Variants in CDON observed in about 807,000 individuals in gnomAD.
The protein encoded by CDON is cell adhesion associated, oncogene regulated.
In CDON, 73 loss-of-function variants were observed where a neutral mutation model predicts 120.9. The observed-to-expected ratio is 0.60, with a 90% confidence interval of 0.50 to 0.73. The LOEUF is 0.73. CDON is among the 30% of genes least tolerant of loss of function. The pLI is 0.00. For missense variants in CDON, 1,470 were observed against 1,587.3 expected (o/e 0.93, Z 1.26); for synonymous variants, 566 against 573.5 (o/e 0.99, Z 0.19).
At chr11:126,059,945 A>G (rs1370827295) in intron 1 of CDON, among the ~76,000 whole-genome samples, 1 of 151,908 alleles carries the variant, frequency 6.6e-6, no homozygotes, top group Non-Finnish European at 1.5e-5. Context: ...AAAAAAAAAA[A>G]CCAAGAAACC....
At chr11:125,992,097 C>T (rs1946645330) in intron 14 of CDON, among the ~76,000 whole-genome samples, 1 of 152,120 alleles carries the variant, frequency 6.6e-6, no homozygotes, top group South Asian at 2.1e-4. Flanking sequence ...ATTTTATTTA[C>T]ATGTCTTGTT....
At chr11:125,984,696 CAAAAAAA>C (rs11306066) in intron 15 of CDON, among the ~76,000 whole-genome samples, 1 of 115,418 alleles carries the variant, frequency 8.7e-6, no homozygotes, top group Non-Finnish European at 1.8e-5. Context: ...GATTCTGTCT[CAAAAAAA>C]AAAAAAAAAA....
chr11:126,050,158 A>G (rs1365299188), intron 1 of CDON, among the ~76,000 whole-genome samples: 1 of 151,690 alleles, frequency 6.6e-6, no homozygotes, highest in East Asian at 1.9e-4. Flanking sequence ...AATGTTTTCC[A>G]TTAGGTCAAT....
At chr11:125,963,848 C>A (rs1404601315) in intron 18 of CDON, among the ~76,000 whole-genome samples, 2 of 152,130 alleles carry the variant, frequency 1.3e-5, no homozygotes, top group Non-Finnish European at 2.9e-5. Context: ...TGTGTTTCCA[C>A]ACATGTCTTC....
chr11:126,019,001 A>C (rs75691635), intron 4 of CDON, among the ~76,000 whole-genome samples: 15,840 of 152,244 alleles, frequency 0.1, 864 homozygotes, highest in Admixed American at 0.13. Flanking sequence ...AACCCAGCAG[A>C]AGCATGTTAA....
rs75029148 is a variant in CDON, at chr11:126,019,569, A to G, written c.496+50T>C. The G allele has an allele frequency of 0.088, 141,233 of 1,600,460 alleles. 6,747 individuals are homozygous for G. Among genetic ancestry groups the G allele is most frequent in the Admixed American group, 0.13 (7,859 of 59,958 alleles). On this transcript the variant is annotated intron_variant, in intron 4 of 19. Transcript: ENST00000531738. ...CACAGAGCTTAGAAGTAGCTTATTT[A>G]ATGAGCATTTGTTCTGTGTGTGCCA...
At chr11:125,978,256 G>A (rs374897215) in intron 18 of CDON, 48 bp downstream of exon 18, 11 of 956,320 alleles carry the variant, frequency 1.2e-5, no homozygotes, top group Non-Finnish European at 6.7e-6. Flanking sequence ...ATAAAAGGAT[G>A]CATATGCCTT....
chr11:125,995,719 T>G (rs950477788), intron 12 of CDON, among the ~76,000 whole-genome samples: 5 of 152,254 alleles, frequency 3.3e-5, no homozygotes, highest in African/African-American at 1.2e-4. Context: ...AAATAATTAC[T>G]GAGCTTCTGA....
chr11:125,995,677 A>G (rs1411038247), intron 12 of CDON, among the ~76,000 whole-genome samples: 1 of 152,244 alleles, frequency 6.6e-6, no homozygotes, highest in Non-Finnish European at 1.5e-5. Flanking sequence ...AGAATAAATT[A>G]AAATCCTAAA....
intron 18 of CDON, among the ~76,000 whole-genome samples, chr11:125,972,563 C>T (rs1946032635): frequency 1.3e-5 from 2 of 152,122 alleles, no homozygotes; most frequent in Non-Finnish European, 2.9e-5. Flanking sequence ...ATACAGTGCA[C>T]CCTCCCCTCA....
chr11:126,003,991 T>C lies in CDON; in HGVS notation c.1937A>G (p.Glu646Gly). ...CAAGACTTCATAAAGACTAGATGGC[T>C]CCAGCTCAGCTAAATGGAGCTCATT... ...SENELHLAEL[E>G]PSSLYEVLMV... Residue 646 changes from glutamate (E) to glycine (G), a missense_variant, in exon 10 of 20, where the codon GAG becomes GGG. By Grantham distance (98) the Glu-to-Gly change is moderately conservative. Transcript: ENST00000531738. 1 of 1,614,056 alleles carries C rather than the reference T, an allele frequency of 6.2e-7. No individual in the cohort carries two copies. The highest frequency in any genetic ancestry group is 8.5e-7 in the Non-Finnish European group (1 of 1,179,992).
chr11:125,989,566 T>C, intron 15 of CDON, 71 bp downstream of exon 15: 2 of 1,420,076 alleles, frequency 1.4e-6, no homozygotes, highest in South Asian at 2.3e-5. Context: ...CCAGAATATA[T>C]CAGTAGTCAG....
intron 3 of CDON, among the ~76,000 whole-genome samples, chr11:126,020,631 A>T (rs776530591): frequency 1.3e-5 from 2 of 152,216 alleles, no homozygotes; most frequent in Non-Finnish European, 2.9e-5. Context: ...CCTTACAAAG[A>T]CGTTTTCCAT....
chr11:125,961,507 C>T, intron 19 of CDON: 1 of 622,024 alleles, frequency 1.6e-6, no homozygotes, highest in Non-Finnish European at 2.8e-6. Flanking sequence ...ATGGGATTGA[C>T]AGCCTGAGAT....
At chr11:125,997,474 T>C in intron 11 of CDON, 64 bp from the exon 12 acceptor site, 3 of 1,234,698 alleles carry the variant, frequency 2.4e-6, no homozygotes, top group Non-Finnish European at 3.5e-6. Flanking sequence ...CATAGTTAAA[T>C]TAAAGGGATA....
chr11:126,019,896 T>C, intron 3 of CDON, 131 bp from the exon 4 acceptor site: 2 of 763,652 alleles, frequency 2.6e-6, no homozygotes, highest in Non-Finnish European at 4.3e-6. Context: ...TCCAGAGGGC[T>C]GCATGATCTT....
At chr11:126,029,892 A>G (rs941771749) in intron 1 of CDON, among the ~76,000 whole-genome samples, 2 of 152,172 alleles carry the variant, frequency 1.3e-5, no homozygotes, top group African/African-American at 4.8e-5. Flanking sequence ...ATGCACACAC[A>G]CAAACACACA....
chr11:126,061,233 G>C (rs1948787312), intron 1 of CDON, among the ~76,000 whole-genome samples: 1 of 152,160 alleles, frequency 6.6e-6, no homozygotes, highest in African/African-American at 2.4e-5. Flanking sequence ...AAATGAAACA[G>C]GTTTTCTCCA....
chr11:126,055,762 C>T (rs978625611), intron 1 of CDON, among the ~76,000 whole-genome samples: 2 of 152,112 alleles, frequency 1.3e-5, no homozygotes, highest in Non-Finnish European at 2.9e-5. Context: ...AAAGGTAGTA[C>T]ATGCTATACT....
Sources: allele counts gnomAD v4.1 joint callset (sites outside exome capture counted in the v4.1 genomes callset), GRCh38; gene constraint gnomAD v4.1.1; transcripts MANE v1.5; gene names NCBI Gene and HGNC (gene_info 2026-07-23, HGNC 2026-07-21).